The following ARMCX4 variants were observed in gnomAD, a reference collection of about 807,000 sequenced individuals.
The protein encoded by ARMCX4 is armadillo repeat-containing X-linked protein 4.
In ARMCX4, 3 loss-of-function variants were observed where a neutral mutation model predicts 34.7. That is an observed-to-expected ratio of 0.09 (90% confidence interval 0.04 to 0.22). The LOEUF is 0.22. Among genes scored for constraint, ARMCX4 ranks in the 10% least tolerant of loss-of-function variants. The pLI is 1.00. For synonymous variants in ARMCX4, 513 were observed against 632.8 expected, an observed-to-expected ratio of 0.81 and a Z score of 2.84; for missense variants, 1,448 against 1,720.8, an observed-to-expected ratio of 0.84 and a Z score of 2.81.
chrX:101,525,179 A>G (rs1234368050), intron 11 of ARMCX4, among the ~76,000 whole-genome samples: 1 of 112,199 alleles, frequency 8.9e-6, no homozygotes, highest in African/African-American at 3.2e-5. Flanking sequence ...CCAGGCAAAC[A>G]GGGTCTGGAG....
At chrX:101,522,085 G>T (rs1934866487) in intron 11 of ARMCX4, among the ~76,000 whole-genome samples, 1 of 111,386 alleles carries the variant, frequency 9.0e-6, no homozygotes, top group African/African-American at 3.3e-5. Flanking sequence ...TCTATCCATT[G>T]TTAGAAGTGG....
intron 11 of ARMCX4, among the ~76,000 whole-genome samples, chrX:101,519,887 TG>T (rs1934816807): frequency 9.0e-6 from 1 of 111,138 alleles, no homozygotes; most frequent in African/African-American, 3.3e-5. Flanking sequence ...GATATCTCAT[TG>T]TGGTTTTGAT....
intron 7 of ARMCX4, among the ~76,000 whole-genome samples, chrX:101,502,569 C>T (rs1934324898): frequency 9.0e-6 from 1 of 110,575 alleles, no homozygotes; most frequent in Admixed American, 9.7e-5. Context: ...TGGGATCAAG[C>T]ACAAGCAGGA....
At chrX:101,454,010 G>A (rs187262110) in intron 4 of ARMCX4, among the ~76,000 whole-genome samples, 60 of 110,516 alleles carry the variant, frequency 5.4e-4, no homozygotes, top group Admixed American at 3.6e-3. Context: ...GAGATATAGC[G>A]TCGTTACCCT....
At chrX:101,466,111 A>T (rs975564519) in intron 4 of ARMCX4, among the ~76,000 whole-genome samples, 2 of 112,209 alleles carry the variant, frequency 1.8e-5, no homozygotes, top group Middle Eastern at 4.2e-3. Context: ...CAAAGCTAAT[A>T]AAGGACTTTA....
chrX:101,443,707 A>G (rs1439840644), intron 2 of ARMCX4: 5 of 259,409 alleles, frequency 1.9e-5, no homozygotes, highest in Admixed American at 1.4e-4. Context: ...ACAGTCCGCA[A>G]TAGTTCTTGT....
chrX:101,453,893 C>G (rs1266531594), intron 4 of ARMCX4, among the ~76,000 whole-genome samples: 1 of 110,770 alleles, frequency 9.0e-6, no homozygotes, highest in Non-Finnish European at 1.9e-5. Flanking sequence ...CGATAGGTAT[C>G]TGGTGCTTGA....
At chrX:101,421,997 A>G (rs1278423917) in intron 2 of ARMCX4, among the ~76,000 whole-genome samples, 5 of 93,815 alleles carry the variant, frequency 5.3e-5, no homozygotes, top group African/African-American at 1.2e-4. Flanking sequence ...ATCAGTTATT[A>G]TTATTATTAT....
chrX:101,503,741 G>A (rs1556014329), intron 7 of ARMCX4, among the ~76,000 whole-genome samples: 1 of 111,153 alleles, frequency 9.0e-6, no homozygotes, highest in Non-Finnish European at 1.9e-5. Context: ...TAGGTTGCCT[G>A]TTCACTCTGA....
intron 10 of ARMCX4, among the ~76,000 whole-genome samples, chrX:101,510,284 T>A (rs1934549101): frequency 8.9e-6 from 1 of 112,115 alleles, no homozygotes; most frequent in African/African-American, 3.2e-5. Flanking sequence ...CGGAAGTCTT[T>A]CCACATGAGT....
At chrX:101,518,853 C>T (rs1180527748) in intron 11 of ARMCX4, among the ~76,000 whole-genome samples, 6 of 110,780 alleles carry the variant, frequency 5.4e-5, no homozygotes, top group Non-Finnish European at 9.5e-5. Context: ...AAATAACTAT[C>T]TTATTTTATA....
upstream of ARMCX4, among the ~76,000 whole-genome samples, chrX:101,481,364 G>A (rs1302757130): frequency 8.9e-6 from 1 of 112,164 alleles, no homozygotes; most frequent in East Asian, 2.8e-4. Context: ...TTATAAAATA[G>A]GCTTTGCATT....
At chrX:101,440,316 C>A (rs868986789) in intron 2 of ARMCX4, among the ~76,000 whole-genome samples, 2 of 111,809 alleles carry the variant, frequency 1.8e-5, no homozygotes, top group Middle Eastern at 4.6e-3. Context: ...GCAAATGCTG[C>A]TGCCTGATCG....
upstream of ARMCX4, among the ~76,000 whole-genome samples, chrX:101,484,683 C>T (rs1202925832): frequency 1.8e-5 from 2 of 112,245 alleles, no homozygotes; most frequent in African/African-American, 3.2e-5. Flanking sequence ...ATATTGAATA[C>T]GTGCTGGTTT....
chrX:101,426,308 G>A (rs782472093), intron 2 of ARMCX4, among the ~76,000 whole-genome samples: 2 of 111,747 alleles, frequency 1.8e-5, no homozygotes, highest in African/African-American at 6.5e-5. Flanking sequence ...AAAGGCAAGA[G>A]CATCTCTGTC....
intron 4 of ARMCX4, among the ~76,000 whole-genome samples, chrX:101,460,392 A>C (rs1556001060): frequency 1.8e-5 from 2 of 112,474 alleles, no homozygotes; most frequent in Admixed American, 1.9e-4. Flanking sequence ...GGCTCCTGGG[A>C]TCTCCCTTGA....
At chrX:101,470,243 T>C (rs782347363) in intron 4 of ARMCX4, among the ~76,000 whole-genome samples, 1 of 112,658 alleles carries the variant, frequency 8.9e-6, no homozygotes, top group African/African-American at 3.2e-5. Flanking sequence ...GTTTTTACGT[T>C]TCACGTAATG....
intron 11 of ARMCX4, among the ~76,000 whole-genome samples, chrX:101,522,994 C>T (rs1355336661): frequency 8.9e-6 from 1 of 111,759 alleles, no homozygotes; most frequent in African/African-American, 3.3e-5. Context: ...CAATAACAAC[C>T]CTTCTGGGAT....
intron 2 of ARMCX4, among the ~76,000 whole-genome samples, chrX:101,486,329 ATAAAT>A (rs1556006820): frequency 1.8e-5 from 2 of 111,395 alleles, no homozygotes; most frequent in Non-Finnish European, 3.8e-5. Flanking sequence ...TGAGAAAAAG[ATAAAT>A]TATATTAAAG....
Sources: allele counts gnomAD v4.1 joint callset (sites outside exome capture counted in the v4.1 genomes callset), GRCh38; gene constraint gnomAD v4.1.1; transcripts MANE v1.5; gene names NCBI Gene and HGNC (gene_info 2026-07-23, HGNC 2026-07-21).